The following SEMA3D variants were observed in gnomAD, a reference collection of about 807,000 sequenced individuals.
The protein encoded by SEMA3D is semaphorin 3D.
In SEMA3D, 84 loss-of-function variants were observed where a neutral mutation model predicts 100.1. The observed-to-expected ratio is 0.84, with a 90% CI of 0.70 to 1.01. SEMA3D has a LOEUF of 1.01. Among genes scored for constraint, SEMA3D ranks in the 50% least tolerant of loss-of-function variants. The pLI, the probability that SEMA3D is intolerant of heterozygous loss-of-function variation, is 0.00. For synonymous variants in SEMA3D, 312 were observed against 320.7 expected, an observed-to-expected ratio of 0.97 and a Z score of 0.29; for missense variants, 875 against 934.1, an observed-to-expected ratio of 0.94 and a Z score of 0.82.
intron 8 of SEMA3D, among the ~76,000 whole-genome samples, chr7:85,064,115 A>G (rs1791549241): frequency 6.6e-6 from 1 of 152,216 alleles, no homozygotes; most frequent in South Asian, 2.1e-4. Flanking sequence ...TTATTAATGA[A>G]TATGTTACAG....
the SEMA3D span, among the ~76,000 whole-genome samples, chr7:85,222,115 T>G: frequency 1.3e-5 from 2 of 152,100 alleles, no homozygotes; most frequent in African/African-American, 4.8e-5. Context: ...GCCCTAAAAA[T>G]TAGCAAAACA....
At position 85,185,773 on chromosome 7, in the gene SEMA3D, G is replaced by A. The variant is rs553447597; in HGVS notation, c.-173+905C>T. Among the ~76,000 whole-genome samples, 3 of 152,162 alleles carry A rather than the reference G, an allele frequency of 2.0e-5. No individual in the cohort carries two copies. In the East Asian group the frequency reaches 5.8e-4, roughly 30 times the overall value. On this transcript the variant is annotated intron_variant, in intron 1 of 18. Transcript: ENST00000284136. ...TCATCAGAGAAGGAGAAACAGTGCC[G>A]AAAACGGCCCGTGCGCTACCAGGGT...
intron 1 of SEMA3D, among the ~76,000 whole-genome samples, chr7:85,180,867 T>A (rs1243904163): frequency 6.6e-6 from 1 of 152,162 alleles, no homozygotes; most frequent in East Asian, 1.9e-4. Flanking sequence ...TTTTGAGGCT[T>A]TTGTTTGTTT....
rs1008646297 is a variant in SEMA3D at position 84,999,297 on chromosome 7, C to G, written c.*143G>C. On this transcript the variant is annotated 3_prime_UTR_variant, in exon 19 of 19. Transcript: ENST00000284136. ...ATTTTTTGCCCTTTCTTATATTCAT[C>G]ACATATTGTCTTATTCAGATTATTG... 1.5e-6 allele frequency: 1 copy of G among 680,618 alleles called. No individual in the cohort carries two copies. The highest frequency in any genetic ancestry group is 2.4e-6 in the Non-Finnish European group (1 of 416,066). The allele number at this position is 680,618 out of a possible 1,614,324, so 42.2% of individuals were successfully genotyped here. A position where few individuals can be genotyped will look rare whatever the true frequency, so the allele number is the denominator to read the frequency against.
At chr7:85,100,613 G>A (rs1231958150) in intron 3 of SEMA3D, among the ~76,000 whole-genome samples, 1 of 151,722 alleles carries the variant, frequency 6.6e-6, no homozygotes, top group Non-Finnish European at 1.5e-5. Context: ...TAGGCACTAA[G>A]GTAATTCTAA....
At chr7:85,197,626 G>A in the SEMA3D span, among the ~76,000 whole-genome samples, 1 of 152,088 alleles carries the variant, frequency 6.6e-6, no homozygotes, top group Non-Finnish European at 1.5e-5. Flanking sequence ...CCTGAGGGCT[G>A]TGTCATGGGC....
At chr7:85,034,303 A>T (rs920474020) in intron 12 of SEMA3D, among the ~76,000 whole-genome samples, 6 of 152,040 alleles carry the variant, frequency 3.9e-5, no homozygotes, top group Admixed American at 6.6e-5. Context: ...AAAAATAGTT[A>T]AAAAAGCATT....
intron 2 of SEMA3D, 81 bp from the exon 3 acceptor site, chr7:85,122,012 T>C: frequency 3.0e-6 from 2 of 657,290 alleles, no homozygotes; most frequent in Admixed American, 3.5e-5. Context: ...CCATATCATC[T>C]CACTCTTAAG....
At chr7:85,184,527 AAG>A (rs1005324259) in intron 1 of SEMA3D, among the ~76,000 whole-genome samples, 9 of 152,092 alleles carry the variant, frequency 5.9e-5, no homozygotes, top group African/African-American at 2.2e-4. Context: ...AGAAAAGAAT[AAG>A]AGAATAATGA....
chr7:85,127,879 C>T (rs2116423357), intron 2 of SEMA3D, among the ~76,000 whole-genome samples: 1 of 152,220 alleles, frequency 6.6e-6, no homozygotes, highest in Admixed American at 6.5e-5. Flanking sequence ...TACAACTTTT[C>T]ATGACCCAGA....
intron 2 of SEMA3D, chr7:85,143,362 A>T: frequency 3.9e-6 from 1 of 258,428 alleles, no homozygotes; most frequent in Non-Finnish European, 6.0e-6. Flanking sequence ...AGGTGATTTC[A>T]TCATTGTTCG....
intron 5 of SEMA3D, among the ~76,000 whole-genome samples, chr7:85,078,020 A>C (rs73377885): frequency 6.6e-6 from 1 of 152,182 alleles, no homozygotes; most frequent in African/African-American, 2.4e-5. Flanking sequence ...ATTTAATGAC[A>C]TGGGAAAATG....
chr7:85,127,367 T>C (rs945405054), intron 2 of SEMA3D, among the ~76,000 whole-genome samples: 6 of 152,158 alleles, frequency 3.9e-5, no homozygotes, highest in Admixed American at 6.6e-5. Context: ...AGCAACACTG[T>C]TAACATTTTA....
At position 85,099,635 on chromosome 7, in the gene SEMA3D, C is replaced by T. The variant is rs1788682682; in HGVS notation, c.152-1670G>A. Among the ~76,000 whole-genome samples the T allele has an allele frequency of 2.0e-5, 3 of 152,040 alleles. No homozygotes were observed. In the South Asian group the frequency reaches 6.2e-4, roughly 32 times the overall value. ...CTTCCAAAGTGTCTATACCACTTTG[C>T]ATTTCCACTAGCAATGAATCAGAAT... On this transcript the variant is annotated intron_variant, in intron 3 of 18. Transcript: ENST00000284136.
At chr7:85,204,301 T>C in the SEMA3D span, among the ~76,000 whole-genome samples, 22 of 150,412 alleles carry the variant, frequency 1.5e-4, no homozygotes, top group Middle Eastern at 6.8e-3. Context: ...ACCAAAGAAC[T>C]TGAATGAATA....
chr7:85,126,339 T>G (rs556772915), intron 2 of SEMA3D, among the ~76,000 whole-genome samples: 38 of 151,530 alleles, frequency 2.5e-4, no homozygotes, highest in African/African-American at 8.5e-4. Context: ...TCTTCTTGCA[T>G]GAAAATCTAG....
chr7:85,018,443 T>C (rs1018870297), intron 14 of SEMA3D, 150 bp from the exon 15 acceptor site: 3 of 599,874 alleles, frequency 5.0e-6, no homozygotes, highest in Non-Finnish European at 9.0e-6. Flanking sequence ...TTTGCTATTT[T>C]CTTCCAAAAT....
the SEMA3D span, among the ~76,000 whole-genome samples, chr7:85,245,254 G>C: frequency 1.3e-5 from 2 of 152,144 alleles, no homozygotes; most frequent in African/African-American, 4.8e-5. Flanking sequence ...GGACAATATA[G>C]AACGGGAATG....
intron 18 of SEMA3D, among the ~76,000 whole-genome samples, chr7:85,000,234 A>G (rs1202381870): frequency 6.6e-6 from 1 of 152,194 alleles, no homozygotes; most frequent in African/African-American, 2.4e-5. Flanking sequence ...AAATTACTGT[A>G]TCAAGATCAT....
Sources: gnomAD v4.1 joint callset for allele counts (sites outside exome capture counted in the v4.1 genomes callset) on GRCh38, gnomAD v4.1.1 for gene constraint, MANE v1.5 for transcripts, NCBI Gene and HGNC (gene_info 2026-07-23, HGNC 2026-07-21) for gene names.